The following OPRD1 variants were observed in gnomAD, a reference collection of about 807,000 sequenced individuals.
The protein encoded by OPRD1 is opioid receptor delta 1.
In OPRD1, 19 loss-of-function variants were observed where a neutral mutation model predicts 17.5. The ratio of observed to expected loss-of-function variants is 1.09; its 90% CI spans 0.76 to 1.60. OPRD1 has a LOEUF of 1.60. Among genes scored for constraint, OPRD1 ranks in the 40% most tolerant of loss-of-function variants. The probability of loss-of-function intolerance (pLI) is 0.00; values close to 1 mark genes in which losing one functional copy is unlikely to be tolerated. For missense variants in OPRD1, 483 were observed against 547.2 expected (o/e 0.88, Z 1.17); for synonymous variants, 256 against 240.9 (o/e 1.06, Z -0.58).
intron 1 of OPRD1, among the ~76,000 whole-genome samples, chr1:28,854,238 GT>G (rs1182330678): frequency 6.6e-6 from 1 of 151,694 alleles, no homozygotes; most frequent in African/African-American, 2.4e-5. Context: ...GGAGCTGTTT[GT>G]TTTTAGACAT....
chr1:28,813,868 C>G (rs191665993), intron 1 of OPRD1, among the ~76,000 whole-genome samples: 26 of 152,288 alleles, frequency 1.7e-4, no homozygotes, highest in African/African-American at 6.3e-4. Flanking sequence ...TGCCCTGCCT[C>G]CCATCCGCCT....
At chr1:28,827,567 G>A (rs1262216045) in intron 1 of OPRD1, among the ~76,000 whole-genome samples, 4 of 152,192 alleles carry the variant, frequency 2.6e-5, no homozygotes, top group African/African-American at 9.6e-5. Flanking sequence ...TGAGATTGCA[G>A]CAGCAGCAAT....
chr1:28,855,170 G>A (rs2089044812), intron 1 of OPRD1, among the ~76,000 whole-genome samples: 1 of 152,320 alleles, frequency 6.6e-6, no homozygotes, highest in Admixed American at 6.5e-5. Context: ...ACTTTAGATA[G>A]AGTGGTCAGG....
intron 1 of OPRD1, among the ~76,000 whole-genome samples, chr1:28,841,001 G>A (rs949066423): frequency 2.6e-5 from 4 of 152,178 alleles, no homozygotes; most frequent in African/African-American, 9.7e-5. Flanking sequence ...TCCAACAAAT[G>A]TTTATTATCT....
At chr1:28,812,906 TTGTG>T (rs1325777817) in intron 1 of OPRD1, among the ~76,000 whole-genome samples, 1 of 152,222 alleles carries the variant, frequency 6.6e-6, no homozygotes, top group Non-Finnish European at 1.5e-5. Context: ...TGGCGTCAGT[TTGTG>T]TGTCTGTCAC....
chr1:28,869,148 C>A lies in OPRD1; in HGVS notation c.*5865C>A, dbSNP rs1312491436. 1 of 152,362 alleles carries A rather than the reference C, an allele frequency of 6.6e-6. No homozygotes were observed. Among genetic ancestry groups the A allele is most frequent in the African/African-American group, 2.4e-5 (1 of 41,454 alleles). 9.4% of individuals were successfully genotyped at this position (152,362 alleles called of 1,614,324 possible). ...CCTGCACTCACACACAAAACACATA[C>A]AGATGCCTCTCTTTCATCATGTATT... On this transcript the variant is annotated 3_prime_UTR_variant, in exon 3 of 3. Transcript: ENST00000234961.
intron 1 of OPRD1, among the ~76,000 whole-genome samples, chr1:28,833,911 A>T (rs887594948): frequency 2.2e-4 from 33 of 152,210 alleles, no homozygotes; most frequent in African/African-American, 8.0e-4. Context: ...AGACACACAC[A>T]AAAGTAGGTG....
rs1409822653 is a variant in OPRD1, at chr1:28,812,562, G to C, written c.179G>C (p.Cys60Ser). Residue 60 changes from cysteine (C) to serine (S), a missense_variant, in exon 1 of 3, where the codon TGC becomes TCC. Physicochemically the swap from Cys to Ser is moderately radical, Grantham distance 112 (BLOSUM62 -1). Coordinates refer to ENST00000234961, the MANE Select transcript of OPRD1 (RefSeq NM_000911.4). ...ATCACCGCGCTCTACTCGGCCGTGT[G>C]CGCCGTGGGGCTGCTGGGCAACGTG... ...IAITALYSAV[C>S]AVGLLGNVLV... The C allele has an allele frequency of 6.3e-7, 1 of 1,577,766 alleles. No individual in the cohort carries two copies. Among genetic ancestry groups the C allele is most frequent in the Admixed American group, 1.7e-5 (1 of 57,590 alleles).
chr1:28,837,314 C>T (rs932672551), intron 1 of OPRD1, among the ~76,000 whole-genome samples: 24 of 152,058 alleles, frequency 1.6e-4, no homozygotes, highest in Non-Finnish European at 3.1e-4. Context: ...AAGCTTCACT[C>T]GCCCACTGCT....
At chr1:28,848,848 T>G (rs1246471277) in intron 1 of OPRD1, among the ~76,000 whole-genome samples, 1 of 152,140 alleles carries the variant, frequency 6.6e-6, no homozygotes, top group Non-Finnish European at 1.5e-5. Context: ...AATACATATT[T>G]GGACCACGAG....
intron 1 of OPRD1, among the ~76,000 whole-genome samples, chr1:28,842,547 T>C (rs2088903972): frequency 6.6e-6 from 1 of 151,930 alleles, no homozygotes; most frequent in Non-Finnish European, 1.5e-5. Context: ...TTAATAGAGG[T>C]GGTGATGATC....
At chr1:28,843,507 G>A (rs1463959114) in intron 1 of OPRD1, among the ~76,000 whole-genome samples, 1 of 152,164 alleles carries the variant, frequency 6.6e-6, no homozygotes, top group East Asian at 1.9e-4. Context: ...TACTCTAGGT[G>A]CCTCATGTAA....
intron 1 of OPRD1, among the ~76,000 whole-genome samples, chr1:28,820,129 G>A (rs2088700147): frequency 6.6e-6 from 1 of 151,748 alleles, no homozygotes; most frequent in Non-Finnish European, 1.5e-5. Context: ...TGACTATTTA[G>A]AAGAGGAGTC....
intron 1 of OPRD1, among the ~76,000 whole-genome samples, chr1:28,820,779 C>T (rs1303198166): frequency 2.0e-5 from 3 of 151,966 alleles, no homozygotes; most frequent in African/African-American, 7.2e-5. Context: ...GATTGTACCA[C>T]TGCAGTCCAG....
chr1:28,856,493 C>G (rs2089059327), intron 1 of OPRD1, among the ~76,000 whole-genome samples: 1 of 152,204 alleles, frequency 6.6e-6, no homozygotes. Flanking sequence ...GTCTCTCTTC[C>G]TGCTCTGGAA....
intron 1 of OPRD1, among the ~76,000 whole-genome samples, chr1:28,854,878 C>T (rs2089041142): frequency 6.6e-6 from 1 of 151,888 alleles, no homozygotes; most frequent in Non-Finnish European, 1.5e-5. Context: ...TCTCGAACTC[C>T]TGACCTCGTG....
chr1:28,844,164 G>GTT lies in OPRD1; in HGVS notation c.228-14775_228-14774dup, dbSNP rs60241573. The stretch of plus-strand genomic sequence containing the variant: ...AAATCCTTGCCAATACTTGATTTCT[G>GTT]TTTTTTTTTTTTTTTTCATTATCTT... On this transcript the variant is annotated intron_variant, in intron 1 of 2. Coordinates refer to ENST00000234961, the MANE Select transcript of OPRD1 (RefSeq NM_000911.4). Among the ~76,000 whole-genome samples, 281 of 137,938 alleles carry GTT rather than the reference G, an allele frequency of 2.0e-3. 1 individual carries two copies. Among genetic ancestry groups the GTT allele is most frequent in the African/African-American group, 7.0e-3 (261 of 37,066 alleles). 90.5% of individuals were successfully genotyped at this position (137,938 alleles called of 152,430 possible). A position where few individuals can be genotyped will look rare whatever the true frequency, so the allele number is the denominator to read the frequency against.
chr1:28,814,581 G>A (rs147059881), intron 1 of OPRD1, among the ~76,000 whole-genome samples: 76 of 152,346 alleles, frequency 5.0e-4, no homozygotes, highest in Admixed American at 9.8e-4. Flanking sequence ...GAGCGTCGGT[G>A]TGTTCAGTCT....
intron 1 of OPRD1, among the ~76,000 whole-genome samples, chr1:28,839,661 C>G (rs1168782278): frequency 1.3e-5 from 2 of 152,108 alleles, no homozygotes; most frequent in African/African-American, 2.4e-5. Context: ...TCTCTTGCCC[C>G]CACCTTGAAC....
Sources: gnomAD v4.1 joint callset for allele counts (sites outside exome capture counted in the v4.1 genomes callset) on GRCh38, gnomAD v4.1.1 for gene constraint, MANE v1.5 for transcripts, NCBI Gene and HGNC (gene_info 2026-07-23, HGNC 2026-07-21) for gene names.